SYK: variants seen among roughly 807,000 people sequenced by gnomAD.
SYK encodes spleen associated tyrosine kinase, also known as tyrosine-protein kinase SYK.
A neutral mutation model predicts 77.8 loss-of-function variants in SYK; 16 were observed. The observed-to-expected ratio is 0.21, with a 90% CI of 0.14 to 0.31. SYK has a LOEUF of 0.31. Ranked by LOEUF, SYK falls within the 10% of genes least tolerant of loss-of-function variation. The probability of loss-of-function intolerance (pLI) is 1.00; values close to 1 mark genes in which losing one functional copy is unlikely to be tolerated. For missense variants in SYK, 529 were observed against 814.4 expected (o/e 0.65, Z 4.26); for synonymous variants, 312 against 308.7 (o/e 1.01, Z -0.11).
chr9:90,855,165 T>C (rs1468003593), intron 3 of SYK, among the ~76,000 whole-genome samples: 1 of 152,182 alleles, frequency 6.6e-6, no homozygotes, highest in Non-Finnish European at 1.5e-5. Flanking sequence ...TCATATAGAA[T>C]ACTGAAGTAT....
rs1196049416 is a variant in SYK, at chr9:90,884,598, C to CGTGT, written c.1582-3151_1582-3150insGTGT. On this transcript the variant is annotated intron_variant, in intron 11 of 13. Transcript: ENST00000375754. ...ATACATACACATACACATATGTGTA[C>CGTGT]ATGTACATATATACACATATACACA... Among the ~76,000 whole-genome samples the CGTGT allele has an allele frequency of 4.0e-4, 23 of 57,520 alleles. 9 individuals are homozygous for CGTGT. The highest frequency in any genetic ancestry group is 1.8e-3 in the African/African-American group (21 of 11,904). 37.7% of individuals were successfully genotyped at this position (57,520 alleles called of 152,430 possible).
intron 1 of SYK, among the ~76,000 whole-genome samples, chr9:90,842,715 TAGTG>T (rs1826414423): frequency 6.6e-6 from 1 of 151,064 alleles, no homozygotes; most frequent in East Asian, 2.0e-4. Flanking sequence ...CATGTGTTCA[TAGTG>T]TGTGTGGCAT....
intron 1 of SYK, among the ~76,000 whole-genome samples, chr9:90,824,380 T>C (rs1825605523): frequency 6.6e-6 from 1 of 152,182 alleles, no homozygotes; most frequent in Admixed American, 6.5e-5. Flanking sequence ...TTCTAATTCA[T>C]TTTATGAGTT....
chr9:90,865,930 G>A (rs2774258), intron 6 of SYK, among the ~76,000 whole-genome samples: 3 of 120,458 alleles, frequency 2.5e-5, no homozygotes, highest in Non-Finnish European at 3.2e-5. Flanking sequence ...ACGGAGTCTC[G>A]CTCTGTTGCC....
At chr9:90,843,824 C>T (rs1037714896) in intron 1 of SYK, 34 bp from the exon 2 acceptor site, 1 of 1,396,162 alleles carries the variant, frequency 7.2e-7, no homozygotes, top group Non-Finnish European at 9.3e-7. Flanking sequence ...CACGTGGGGT[C>T]CTCACCAAAG....
chr9:90,827,212 G>A (rs1825693147), intron 1 of SYK, among the ~76,000 whole-genome samples: 1 of 151,992 alleles, frequency 6.6e-6, no homozygotes, highest in Non-Finnish European at 1.5e-5. Context: ...GCACTAAATG[G>A]CACAGCCCTG....
At chr9:90,884,389 G>A (rs1474345170) in intron 11 of SYK, among the ~76,000 whole-genome samples, 33 of 69,390 alleles carry the variant, frequency 4.8e-4, no homozygotes, top group African/African-American at 6.3e-4. Context: ...GTGTATATAT[G>A]CATACATACA....
chr9:90,833,200 C>T (rs961780047), intron 1 of SYK, among the ~76,000 whole-genome samples: 1 of 152,190 alleles, frequency 6.6e-6, no homozygotes, highest in African/African-American at 2.4e-5. Context: ...GATGGGAGTA[C>T]CAGGAAGTGA....
At chr9:90,850,770 T>TAAAA (rs556936977) in intron 3 of SYK, among the ~76,000 whole-genome samples, 1 of 129,422 alleles carries the variant, frequency 7.7e-6, no homozygotes, top group Non-Finnish European at 1.7e-5. Flanking sequence ...GACTAAAAGG[T>TAAAA]AAAAAAAAAA....
At position 90,867,972 on chromosome 9, in the gene SYK, T is replaced by C. The variant is rs114593816; in HGVS notation, c.915+773T>C. ...AAATTGGTTCTTTTATCAGTAATTCTTTTTATTTTCATATTACTTGGTGTT... is the reference window on the plus strand; with the variant it reads ...AAATTGGTTCTTTTATCAGTAATTCCTTTTATTTTCATATTACTTGGTGTT... On this transcript the variant is annotated intron_variant, in intron 7 of 13. Transcript: ENST00000375754. Among the ~76,000 whole-genome samples, 1,265 of 152,346 alleles carry C rather than the reference T, an allele frequency of 8.3e-3. 15 individuals are homozygous for C. The highest frequency in any genetic ancestry group is 0.028 in the African/African-American group (1,184 of 41,584).
intron 7 of SYK, 85 bp from the exon 8 acceptor site, chr9:90,874,119 A>G (rs369996002): frequency 9.2e-7 from 1 of 1,084,734 alleles, no homozygotes; most frequent in African/African-American, 1.6e-5. Context: ...AACTGTGATT[A>G]TTGGAAAATA....
At chr9:90,885,045 A>G (rs1828509652) in intron 11 of SYK, among the ~76,000 whole-genome samples, 1 of 150,574 alleles carries the variant, frequency 6.6e-6, no homozygotes, top group Admixed American at 6.7e-5. Flanking sequence ...TACAAAAGCA[A>G]TTTCAAAAAA....
chr9:90,809,215 C>T (rs1262691777), intron 1 of SYK, among the ~76,000 whole-genome samples: 5 of 152,174 alleles, frequency 3.3e-5, no homozygotes, highest in Admixed American at 2.6e-4. Flanking sequence ...GTCTGTCCTG[C>T]TTATTAGGAT....
chr9:90,898,401 TA>T lies in SYK; in HGVS notation c.*2802del, dbSNP rs1829078355. 8.8e-6 allele frequency: 2 copies of T among 227,008 alleles called. No individual in the cohort carries two copies. The highest frequency in any genetic ancestry group is 1.8e-5 in the Non-Finnish European group (2 of 114,242). The allele number at this position is 227,008 out of a possible 1,614,324, so 14.1% of individuals were successfully genotyped here. On this transcript the variant is annotated 3_prime_UTR_variant, in exon 14 of 14. Coordinates refer to ENST00000375754, the MANE Select transcript of SYK (RefSeq NM_003177.7). ...GGCCTGGATTTTCACTTGCAGAGGC[TA>T]CAGCTGCATTGTCAGGTCTCCCAGC... is the stretch of plus-strand genomic sequence containing the variant.
At chr9:90,825,427 A>G (rs1236111521) in intron 1 of SYK, among the ~76,000 whole-genome samples, 1 of 152,234 alleles carries the variant, frequency 6.6e-6, no homozygotes, top group East Asian at 1.9e-4. Flanking sequence ...AATACCCACT[A>G]AAAAGGACAA....
intron 3 of SYK, among the ~76,000 whole-genome samples, chr9:90,858,171 A>G (rs1827116401): frequency 6.6e-6 from 1 of 152,174 alleles, no homozygotes; most frequent in Non-Finnish European, 1.5e-5. Flanking sequence ...CAGCCCTTCC[A>G]GGCCATGCCC....
Position 90,844,051 on chromosome 9 carries a change from C to T in SYK, c.153C>T (p.Phe51=), listed in dbSNP as rs200928765. ...LRQSRNYLGG[F]ALSVAHGRKA... is the part of the protein sequence containing the mutation. ...AGAGCCGCAACTACCTGGGTGGCTT[C>T]GCCCTGTCCGTGGCCCACGGGAGGA... is the stretch of plus-strand genomic sequence containing the variant. The change falls in exon 2 of 14, where the codon TTC becomes TTT. Residue 51 remains phenylalanine, a synonymous_variant. Coordinates refer to ENST00000375754, the MANE Select transcript of SYK (RefSeq NM_003177.7). 11 of 1,612,684 alleles carry T rather than the reference C, an allele frequency of 6.8e-6. No homozygotes were observed. The highest frequency in any genetic ancestry group is 4.4e-5 in the South Asian group (4 of 90,814).
At chr9:90,893,081 A>G (rs1012317888) in intron 13 of SYK, among the ~76,000 whole-genome samples, 10 of 152,226 alleles carry the variant, frequency 6.6e-5, no homozygotes, top group African/African-American at 4.8e-5. Flanking sequence ...CAAGCCTCAC[A>G]GAAGCCTCAG....
At chr9:90,889,380 G>A (rs985476281) in intron 13 of SYK, among the ~76,000 whole-genome samples, 7 of 152,234 alleles carry the variant, frequency 4.6e-5, no homozygotes, top group African/African-American at 1.4e-4. Flanking sequence ...GCTGAGAATC[G>A]ATGTGGTTTG....
Sources: gnomAD v4.1 joint callset for allele counts (sites outside exome capture counted in the v4.1 genomes callset) on GRCh38, gnomAD v4.1.1 for gene constraint, MANE v1.5 for transcripts, NCBI Gene and HGNC (gene_info 2026-07-23, HGNC 2026-07-21) for gene names.